SLC28A1: variants seen among roughly 807,000 people sequenced by gnomAD.
SLC28A1 encodes sodium/nucleoside cotransporter 1.
A neutral mutation model predicts 74.8 loss-of-function variants in SLC28A1; 64 were observed. That is an observed-to-expected ratio of 0.86 (90% CI 0.70 to 1.05). The LOEUF (loss-of-function observed/expected upper bound fraction) is 1.05, where lower values mean the gene tolerates loss of function less well. Ranked by LOEUF, SLC28A1 falls within the 50% of genes least tolerant of loss-of-function variation. SLC28A1 has a pLI of 0.00. For missense variants in SLC28A1, 828 were observed against 822.8 expected (o/e 1.01, Z -0.08); for synonymous variants, 359 against 335.0 (o/e 1.07, Z -0.78).
At chr15:84,961,304 G>C in the SLC28A1 span, among the ~76,000 whole-genome samples, 2 of 151,708 alleles carry the variant, frequency 1.3e-5, no homozygotes, top group Non-Finnish European at 2.9e-5. Context: ...AGCAACCTCA[G>C]GTGACTCATT....
chr15:84,962,775 G>A, the SLC28A1 span, among the ~76,000 whole-genome samples: 1 of 152,232 alleles, frequency 6.6e-6, no homozygotes, highest in Admixed American at 6.5e-5. Context: ...AAGGGGCAGA[G>A]TGTGACTAGG....
Position 84,918,556 on chromosome 15 carries a change from C to G in SLC28A1, c.828C>G (p.Val276=). ...CCATCATTGTCTTTTTCAGCTGTGT[C>G]ATATCCGTTCTCTACCACGTGGGCC... ...VLPIIVFFSC[V]ISVLYHVGLM... is the part of the protein sequence containing the mutation. The change falls in exon 10 of 19, where the codon GTC becomes GTG. Residue 276 remains valine (V), a synonymous_variant. Coordinates refer to ENST00000394573, the MANE Select transcript of SLC28A1 (RefSeq NM_004213.5). 1 of 1,613,982 alleles carries G rather than the reference C, an allele frequency of 6.2e-7. No homozygotes were observed. The highest frequency in any genetic ancestry group is 8.5e-7 in the Non-Finnish European group (1 of 1,179,912).
At chr15:84,887,219 C>T (rs1190850537) in intron 2 of SLC28A1, among the ~76,000 whole-genome samples, 1 of 152,202 alleles carries the variant, frequency 6.6e-6, no homozygotes, top group Admixed American at 6.5e-5. Context: ...ATAGTTTTAA[C>T]CAGTTGTAGG....
Position 84,935,445 on chromosome 15 carries a change from A to ACC in SLC28A1, c.1509_1510dup (p.Leu504ProfsTer52). ...CTGAACGAGTTTGTGGCCTATCAAG[A>ACC]CCTCTCCAAGTACAAGCAACGCCGC... On this transcript the variant is annotated frameshift_variant, in exon 15 of 19. Coordinates refer to ENST00000394573, the MANE Select transcript of SLC28A1 (RefSeq NM_004213.5). LOFTEE classifies it high-confidence loss of function. The ACC allele has an allele frequency of 6.2e-7, 1 of 1,614,106 alleles. No homozygotes were observed. Among genetic ancestry groups the ACC allele is most frequent in the Non-Finnish European group, 8.5e-7 (1 of 1,180,018 alleles).
intron 5 of SLC28A1, among the ~76,000 whole-genome samples, chr15:84,893,670 C>G (rs1965620684): frequency 1.3e-5 from 2 of 152,116 alleles, no homozygotes; most frequent in Admixed American, 6.5e-5. Context: ...CATGGCGACC[C>G]CCTCTTCTCC....
At chr15:84,887,029 C>CTACG (rs1241316053) in intron 2 of SLC28A1, among the ~76,000 whole-genome samples, 3 of 152,182 alleles carry the variant, frequency 2.0e-5, no homozygotes, top group African/African-American at 7.2e-5. Context: ...GAGCTTAAGC[C>CTACG]TACGAACTGA....
intron 12 of SLC28A1, among the ~76,000 whole-genome samples, chr15:84,929,274 G>A (rs1971004320): frequency 6.6e-6 from 1 of 152,092 alleles, no homozygotes; most frequent in South Asian, 2.1e-4. Flanking sequence ...GCCGGGCGCG[G>A]TGGCTCACAC....
the SLC28A1 span, among the ~76,000 whole-genome samples, chr15:84,963,118 T>C: frequency 5.3e-5 from 8 of 152,180 alleles, no homozygotes; most frequent in Non-Finnish European, 8.8e-5. Flanking sequence ...TGCCTGAGAT[T>C]GAATTTCTTG....
intron 15 of SLC28A1, among the ~76,000 whole-genome samples, chr15:84,943,100 G>A (rs550341523): frequency 1.5e-3 from 224 of 152,184 alleles, no homozygotes; most frequent in African/African-American, 5.3e-3. Context: ...GCAGGAGAAT[G>A]GCTTGAACCC....
At chr15:84,924,785 A>G (rs543848488) in intron 12 of SLC28A1, among the ~76,000 whole-genome samples, 2 of 152,358 alleles carry the variant, frequency 1.3e-5, no homozygotes, top group Middle Eastern at 3.4e-3. Context: ...AAAGGTCTCA[A>G]TTTTATTTCC....
At position 84,935,149 on chromosome 15, in the gene SLC28A1, C is replaced by T. The variant is rs756613814; in HGVS notation, c.1338C>T (p.Leu446=). The change falls in exon 14 of 19, where the codon CTC becomes CTT. Residue 446 remains leucine (L), a synonymous_variant. Coordinates refer to ENST00000394573, the MANE Select transcript of SLC28A1 (RefSeq NM_004213.5). Reference sequence around the variant, plus strand: ...TGCTGGACTTTATCAATGCTGCCCTCTCCTGGCTGGGAGACATGGTGGACA... The same window carrying T: ...TGCTGGACTTTATCAATGCTGCCCTTTCCTGGCTGGGAGACATGGTGGACA... ...LAVLDFINAA[L]SWLGDMVDIQ... 4.3e-6 allele frequency: 7 copies of T among 1,614,036 alleles called. No homozygotes were observed. The Admixed American group carries it at 1.0e-4, about 23-fold the overall frequency.
At chr15:84,922,874 A>G (rs1970008166) in intron 11 of SLC28A1, among the ~76,000 whole-genome samples, 1 of 152,186 alleles carries the variant, frequency 6.6e-6, no homozygotes, top group South Asian at 2.1e-4. Flanking sequence ...TGGCTCCTTC[A>G]GGTCTCAGCC....
the SLC28A1 span, among the ~76,000 whole-genome samples, chr15:84,966,913 A>C: frequency 1.3e-3 from 197 of 152,270 alleles, 4 homozygotes; most frequent in South Asian, 0.04. Flanking sequence ...CTGGGACTAC[A>C]GGAACATGCC....
chr15:84,905,474 C>T, intron 7 of SLC28A1, 65 bp from the exon 8 acceptor site: 3 of 1,146,846 alleles, frequency 2.6e-6, no homozygotes, highest in Non-Finnish European at 4.0e-6. Flanking sequence ...TGCTCTCACC[C>T]CCACCCGGCT....
the SLC28A1 span, among the ~76,000 whole-genome samples, chr15:84,963,074 A>C: frequency 6.6e-6 from 1 of 152,192 alleles, no homozygotes; most frequent in Non-Finnish European, 1.5e-5. Context: ...ACCTTGGCAA[A>C]ATCTTGAGAA....
At chr15:84,965,400 C>A in the SLC28A1 span, among the ~76,000 whole-genome samples, 65 of 152,278 alleles carry the variant, frequency 4.3e-4, no homozygotes, top group African/African-American at 1.5e-3. Flanking sequence ...CTAATACAGA[C>A]CTGCAAGGCA....
chr15:84,904,014 C>G (rs565469242), intron 6 of SLC28A1, 83 bp from the exon 7 acceptor site: 2 of 1,586,238 alleles, frequency 1.3e-6, no homozygotes, highest in African/African-American at 2.7e-5. Context: ...AGCACCCTTT[C>G]TCTGGGTCCC....
At chr15:84,923,009 C>A (rs1357513695) in intron 11 of SLC28A1, among the ~76,000 whole-genome samples, 3 of 152,202 alleles carry the variant, frequency 2.0e-5, no homozygotes, top group Non-Finnish European at 4.4e-5. Context: ...CAATCTTGGG[C>A]TCACTGCAAC....
intron 12 of SLC28A1, among the ~76,000 whole-genome samples, chr15:84,929,381 C>T (rs1260641283): frequency 1.3e-5 from 2 of 151,678 alleles, no homozygotes; most frequent in Non-Finnish European, 2.9e-5. Flanking sequence ...CCTGTCTCTA[C>T]AAAAATACAA....
Sources: gnomAD v4.1 joint callset for allele counts (sites outside exome capture counted in the v4.1 genomes callset) on GRCh38, gnomAD v4.1.1 for gene constraint, MANE v1.5 for transcripts, NCBI Gene and HGNC (gene_info 2026-07-23, HGNC 2026-07-21) for gene names.